EXOC3L2: variants seen among roughly 807,000 people sequenced by gnomAD.
EXOC3L2 encodes exocyst complex component 3 like 2, also known as exocyst complex component 3-like protein 2.
Under a neutral mutation model 44.4 loss-of-function variants are expected in EXOC3L2, and 17 were observed. That is an observed-to-expected ratio of 0.38 (90% CI 0.26 to 0.57). The LOEUF is 0.57. EXOC3L2 is among the 20% of genes least tolerant of loss of function. EXOC3L2 has a pLI of 0.65. For synonymous variants in EXOC3L2, 256 were observed against 253.7 expected, an observed-to-expected ratio of 1.01 and a Z score of -0.09; for missense variants, 541 against 588.4, an observed-to-expected ratio of 0.92 and a Z score of 0.83.
intron 4 of EXOC3L2, among the ~76,000 whole-genome samples, chr19:45,230,115 C>G (rs903970968): frequency 1.3e-5 from 2 of 151,998 alleles, no homozygotes; most frequent in African/African-American, 4.8e-5. Context: ...GCCTCACACT[C>G]CTGGACTCAA....
chr19:45,229,768 C>G (rs1026013564), intron 4 of EXOC3L2, among the ~76,000 whole-genome samples: 1 of 149,658 alleles, frequency 6.7e-6, no homozygotes, highest in African/African-American at 2.4e-5. Flanking sequence ...TCACTTGAAC[C>G]CGGGAGGAGG....
rs150465658 is a variant in EXOC3L2 at position 45,241,421 on chromosome 19, T to C, written c.-16-2360A>G. 9.3e-3 allele frequency among the ~76,000 whole-genome samples: 1,328 copies of C among 142,776 alleles called. 23 individuals carry two copies. Among genetic ancestry groups the C allele is most frequent in the African/African-American group, 0.034 (1,263 of 37,626 alleles). The allele number at this position is 142,776 out of a possible 152,430, so 93.7% of individuals were successfully genotyped here. On this transcript the variant is annotated intron_variant, in intron 1 of 11. Coordinates refer to ENST00000413988, the MANE Select transcript of EXOC3L2 (RefSeq NM_001382422.1). ...TGAACGCGGAAGGCGGAGATTGCAGTGAGCTGAGATCGCGCCACTGCACTC... is the reference window on the plus strand; with the variant it reads ...TGAACGCGGAAGGCGGAGATTGCAGCGAGCTGAGATCGCGCCACTGCACTC...
intron 4 of EXOC3L2, among the ~76,000 whole-genome samples, chr19:45,231,504 T>A (rs1162052034): frequency 3.3e-5 from 5 of 150,364 alleles, no homozygotes; most frequent in Non-Finnish European, 7.4e-5. Flanking sequence ...CTTCTGTGAG[T>A]CTTTGGGCCT....
rs200809286 is a variant in EXOC3L2 at position 45,213,044 on chromosome 19, A to C, written c.*25T>G. 189 of 1,462,846 alleles carry C rather than the reference A, an allele frequency of 1.3e-4. No homozygotes were observed. In the African/African-American group the frequency reaches 2.5e-3, roughly 19 times the overall value. The allele number at this position is 1,462,846 out of a possible 1,614,324, so 90.6% of individuals were successfully genotyped here. ...GCTTGTCAGCAGCATAGATGGGGTC[A>C]CTAAGGCCGGCGGTTGGGTGACCCT... On this transcript the variant is annotated 3_prime_UTR_variant, in exon 12 of 12. Coordinates refer to ENST00000413988, the MANE Select transcript of EXOC3L2 (RefSeq NM_001382422.1).
chr19:45,229,555 G>C (rs1025308085), intron 4 of EXOC3L2, among the ~76,000 whole-genome samples: 1 of 147,804 alleles, frequency 6.8e-6, no homozygotes, highest in African/African-American at 2.5e-5. Context: ...AAATAATATA[G>C]ATACATGTGA....
chr19:45,217,658 C>A lies in EXOC3L2; in HGVS notation c.1868G>T (p.Arg623Leu). ...GGGCCGCACGTACTCGACCAGCGCC[C>A]GCCGGTGTAGCTCGGCTACCAGCGC... Reference protein sequence around the residue: ...YQALVAELHRRALVEYVRPLL... With the variant: ...YQALVAELHRLALVEYVRPLL... Residue 623 changes from arginine to leucine, a missense_variant, in exon 10 of 12, where the codon CGG becomes CTG. Physicochemically the swap from Arg to Leu is moderately radical, Grantham distance 102. Coordinates refer to ENST00000413988, the MANE Select transcript of EXOC3L2 (RefSeq NM_001382422.1). 7.0e-7 allele frequency: 1 copy of A among 1,421,104 alleles called. No individual in the cohort carries two copies. Among genetic ancestry groups the A allele is most frequent in the Non-Finnish European group, 9.1e-7 (1 of 1,095,972 alleles). 88.0% of individuals were successfully genotyped at this position (1,421,104 alleles called of 1,614,324 possible). A position where few individuals can be genotyped will look rare whatever the true frequency, so the allele number is the denominator to read the frequency against.
chr19:45,241,214 G>A (rs1970128448), intron 1 of EXOC3L2, among the ~76,000 whole-genome samples: 1 of 152,124 alleles, frequency 6.6e-6, no homozygotes, highest in South Asian at 2.1e-4. Context: ...AACCAGGCCG[G>A]GTGCAGTGGC....
intron 3 of EXOC3L2, among the ~76,000 whole-genome samples, chr19:45,233,216 AAAAT>A (rs370700043): frequency 4.0e-5 from 6 of 151,812 alleles, no homozygotes; most frequent in South Asian, 2.1e-4. Flanking sequence ...ACTCCGTCTC[AAAAT>A]AAATAAATAA....
At chr19:45,227,221 C>G (rs1327446476) in intron 7 of EXOC3L2, among the ~76,000 whole-genome samples, 1 of 151,344 alleles carries the variant, frequency 6.6e-6, no homozygotes, top group Non-Finnish European at 1.5e-5. Flanking sequence ...GGGTTCTCAC[C>G]ATTCTCCTGC....
At chr19:45,215,167 C>G (rs2122952471) in intron 11 of EXOC3L2, among the ~76,000 whole-genome samples, 2 of 151,990 alleles carry the variant, frequency 1.3e-5, no homozygotes, top group Non-Finnish European at 2.9e-5. Context: ...CAAACAACAA[C>G]AAAATACCCC....
intron 8 of EXOC3L2, among the ~76,000 whole-genome samples, chr19:45,218,988 T>C (rs1969868817): frequency 1.3e-5 from 2 of 152,028 alleles, no homozygotes; most frequent in Admixed American, 6.6e-5. Flanking sequence ...CCTGTAATCC[T>C]AGCACTTTGG....
chr19:45,224,756 C>A, intron 8 of EXOC3L2, 22 bp downstream of exon 8: 1 of 1,545,748 alleles, frequency 6.5e-7, no homozygotes, highest in Non-Finnish European at 8.7e-7. Context: ...GGGCCCCAAC[C>A]CTGGCCTCCC....
At chr19:45,243,454 G>T (rs1363633575) in intron 1 of EXOC3L2, among the ~76,000 whole-genome samples, 3 of 152,100 alleles carry the variant, frequency 2.0e-5, no homozygotes, top group African/African-American at 7.2e-5. Flanking sequence ...CCCCTGAGCT[G>T]CTGCTTCTCA....
Position 45,217,539 on chromosome 19 carries a change from A to T in EXOC3L2, c.1987T>A (p.Phe663Ile). The T allele has an allele frequency of 6.3e-7, 1 of 1,577,602 alleles. No homozygotes were observed. Among genetic ancestry groups the T allele is most frequent in the Non-Finnish European group, 8.6e-7 (1 of 1,168,708 alleles). ...REDAAQLQRL[F>I]RRLESQASWL... ...GTCCCGACACTGACCAGCCGCCGGA[A>T]CAGCCTCTGCAGTTGCGCCGCGTCC... The change falls in exon 10 of 12, where the codon TTC (phenylalanine) becomes ATC (isoleucine). Residue 663 changes from phenylalanine (F) to isoleucine (I), a missense_variant. Phe to Ile is a conservative substitution (Grantham distance 21, BLOSUM62 0). Coordinates refer to ENST00000413988, the MANE Select transcript of EXOC3L2 (RefSeq NM_001382422.1).
intron 2 of EXOC3L2, among the ~76,000 whole-genome samples, chr19:45,237,297 C>G (rs1970092193): frequency 6.6e-6 from 1 of 151,934 alleles, no homozygotes; most frequent in Non-Finnish European, 1.5e-5. Flanking sequence ...GCCAGGAGTT[C>G]AAGACCAACT....
Position 45,218,336 on chromosome 19 carries a change from AG to A in EXOC3L2, c.1720-18del, listed in dbSNP as rs767091711. 1.9e-6 allele frequency: 3 copies of A among 1,584,520 alleles called. No homozygotes were observed. Among genetic ancestry groups the A allele is most frequent in the Non-Finnish European group, 2.6e-6 (3 of 1,163,264 alleles). On this transcript the variant is annotated intron_variant, in intron 8 of 11. Transcript: ENST00000413988. ...GAAGTGTGGCTGGCAGGGACAGAGT[AG>A]GGGGTCACGCTCTCCTCCCTCCCAC... is the stretch of plus-strand genomic sequence containing the variant.
intron 3 of EXOC3L2, among the ~76,000 whole-genome samples, chr19:45,233,536 A>T (rs1970051581): frequency 6.6e-6 from 1 of 152,176 alleles, no homozygotes; most frequent in South Asian, 2.1e-4. Flanking sequence ...AAGGGTGAAC[A>T]GCTAAGATTC....
At position 45,234,813 on chromosome 19, in the gene EXOC3L2, C is replaced by T. The variant is rs1025504807; in HGVS notation, c.537G>A (p.Leu179=). 3.8e-5 allele frequency: 15 copies of T among 394,832 alleles called. No individual in the cohort carries two copies. The highest frequency in any genetic ancestry group is 4.9e-5 in the Non-Finnish European group (11 of 223,636). The allele number at this position is 394,832 out of a possible 1,614,324, so 24.5% of individuals were successfully genotyped here. The change falls in exon 3 of 12, where the codon CTG becomes CTA. Residue 179 remains leucine (L), a synonymous_variant. Transcript: ENST00000413988. This position sits in a 1 kb window ranked among gnomAD's most constrained non-coding sequence, Gnocchi z 5.0. ...CTAGTTCGCGCTGCTGGATCAGGCT[C>T]AGGATCTCCAGCACTGCGGGAGCAA... ...MKEPLSVLEI[L]SLIQQRELAR...
At chr19:45,220,136 G>A (rs895675041) in intron 8 of EXOC3L2, among the ~76,000 whole-genome samples, 1 of 152,034 alleles carries the variant, frequency 6.6e-6, no homozygotes, top group Non-Finnish European at 1.5e-5. Context: ...TCAAGCCATT[G>A]CACTCCAGCC....
Sources: allele counts gnomAD v4.1 joint callset (sites outside exome capture counted in the v4.1 genomes callset), GRCh38; gene constraint gnomAD v4.1.1; non-coding constraint Gnocchi (gnomAD v3.1); transcripts MANE v1.5; gene names NCBI Gene and HGNC (gene_info 2026-07-23, HGNC 2026-07-21).